AK5: variants seen among roughly 807,000 people sequenced by gnomAD.
The protein encoded by AK5 is adenylate kinase 5, also known as adenylate kinase isoenzyme 5.
Under a neutral mutation model 69.5 loss-of-function variants are expected in AK5, and 27 were observed. That is an observed-to-expected ratio of 0.39 (90% CI 0.29 to 0.54). AK5 has a LOEUF of 0.54. Ranked by LOEUF, AK5 falls within the 20% of genes least tolerant of loss-of-function variation. AK5 has a pLI of 0.71. For synonymous variants in AK5, 260 were observed against 244.4 expected (o/e 1.06, Z -0.60); for missense variants, 531 against 700.4 (o/e 0.76, Z 2.73).
At chr1:77,395,981 A>G (rs1033175477) in intron 6 of AK5, among the ~76,000 whole-genome samples, 1 of 152,208 alleles carries the variant, frequency 6.6e-6, no homozygotes, top group Non-Finnish European at 1.5e-5. Flanking sequence ...TAGGCTATAC[A>G]TGATTCTGAA....
chr1:77,408,758 T>C (rs987827164), intron 6 of AK5, among the ~76,000 whole-genome samples: 3 of 152,204 alleles, frequency 2.0e-5, no homozygotes, highest in Non-Finnish European at 4.4e-5. Flanking sequence ...TCTATTTTTT[T>C]CTTTTTTAAT....
intron 5 of AK5, among the ~76,000 whole-genome samples, chr1:77,330,599 G>A (rs1479986961): frequency 6.6e-6 from 1 of 152,140 alleles, no homozygotes; most frequent in Non-Finnish European, 1.5e-5. Context: ...CTGTTCCAGT[G>A]TTCTACTAGT....
At chr1:77,519,054 G>A (rs1657833025) in intron 11 of AK5, among the ~76,000 whole-genome samples, 2 of 152,136 alleles carry the variant, frequency 1.3e-5, no homozygotes, top group Admixed American at 1.3e-4. Context: ...GTGCAGCAGA[G>A]CCTAGAATTA....
chr1:77,369,548 C>T (rs1462559849), intron 6 of AK5, among the ~76,000 whole-genome samples: 1 of 152,108 alleles, frequency 6.6e-6, no homozygotes, highest in African/African-American at 2.4e-5. Flanking sequence ...GATCTGCCAT[C>T]ACATGTATTA....
chr1:77,389,067 G>A (rs557395251), intron 6 of AK5, among the ~76,000 whole-genome samples: 1 of 152,234 alleles, frequency 6.6e-6, no homozygotes, highest in Non-Finnish European at 1.5e-5. Context: ...TTACAACGTT[G>A]AGAATAGTAA....
chr1:77,288,171 C>T (rs151028118), intron 2 of AK5, among the ~76,000 whole-genome samples: 112 of 152,120 alleles, frequency 7.4e-4, no homozygotes, highest in Non-Finnish European at 1.1e-3. Flanking sequence ...AACTAAAAAC[C>T]GCAGTTCATT....
At chr1:77,529,557 T>G (rs1282851884) in intron 12 of AK5, among the ~76,000 whole-genome samples, 1 of 152,194 alleles carries the variant, frequency 6.6e-6, no homozygotes, top group African/African-American at 2.4e-5. Context: ...ACTCCTGACC[T>G]CGTGATCTGC....
chr1:77,533,995 T>C (rs1312994031), intron 12 of AK5, among the ~76,000 whole-genome samples: 1 of 152,042 alleles, frequency 6.6e-6, no homozygotes, highest in East Asian at 1.9e-4. Flanking sequence ...TCGCATGACC[T>C]ATTCCAGAGG....
intron 8 of AK5, among the ~76,000 whole-genome samples, chr1:77,452,178 C>T (rs543005750): frequency 2.6e-5 from 4 of 152,224 alleles, no homozygotes; most frequent in African/African-American, 9.6e-5. Flanking sequence ...CATTATAATG[C>T]AATTATATGT....
At chr1:77,558,058 T>G (rs1032570246) in intron 13 of AK5, among the ~76,000 whole-genome samples, 2 of 152,212 alleles carry the variant, frequency 1.3e-5, no homozygotes, top group Non-Finnish European at 2.9e-5. Flanking sequence ...CTGAATAATA[T>G]TCCCCTGTCC....
intron 8 of AK5, among the ~76,000 whole-genome samples, chr1:77,445,327 G>C (rs967835681): frequency 3.3e-5 from 5 of 152,168 alleles, no homozygotes; most frequent in Admixed American, 6.5e-5. Context: ...ATCCTAACAA[G>C]TGTGAAGTGG....
rs145220766 is a variant in AK5, at chr1:77,412,446, A to C, written c.982+1375A>C. ...AGCCTCAACTCCCGCTAACTCTTCC[A>C]CTCCTGAGACCCCCTGAAAGCTGGC... is the stretch of plus-strand genomic sequence containing the variant. On this transcript the variant is annotated intron_variant, in intron 7 of 13. Transcript: ENST00000354567. Among the ~76,000 whole-genome samples the C allele has an allele frequency of 2.3e-3, 350 of 151,762 alleles. 1 individual carries two copies. The highest frequency in any genetic ancestry group is 8.1e-3 in the African/African-American group (335 of 41,372).
At chr1:77,384,812 T>C (rs182966139) in intron 6 of AK5, among the ~76,000 whole-genome samples, 139 of 152,214 alleles carry the variant, frequency 9.1e-4, no homozygotes, top group African/African-American at 3.2e-3. Flanking sequence ...GCAGCAATAC[T>C]TCTAGGATTC....
chr1:77,310,079 T>TTTATTCCAC (rs1659858936), intron 5 of AK5, among the ~76,000 whole-genome samples: 1 of 152,164 alleles, frequency 6.6e-6, no homozygotes, highest in South Asian at 2.1e-4. Context: ...AAGGTCCAGG[T>TTTATTCCAC]ATTTATTCTA....
rs750566495 is a variant in AK5 at position 77,417,643 on chromosome 1, A to G, written c.987A>G (p.Ser329=). The change falls in exon 8 of 14, where the codon TCA becomes TCG. Residue 329 remains serine, a synonymous_variant. Transcript: ENST00000354567. ...LFPNKEAAAG[S]SDLDPSMILD... is the part of the protein sequence containing the mutation. ...TCTTTTCTTTCCTAATCTTAGGTTCAAGTGACCTTGATCCTTCGATGATAT... is the reference window on the plus strand; with the variant it reads ...TCTTTTCTTTCCTAATCTTAGGTTCGAGTGACCTTGATCCTTCGATGATAT... 6.2e-7 allele frequency: 1 copy of G among 1,604,566 alleles called. No individual in the cohort carries two copies. The highest frequency in any genetic ancestry group is 1.3e-5 in the African/African-American group (1 of 74,814).
At chr1:77,525,182 T>G (rs929020849) in intron 12 of AK5, among the ~76,000 whole-genome samples, 2 of 152,234 alleles carry the variant, frequency 1.3e-5, no homozygotes, top group African/African-American at 4.8e-5. Context: ...GTGCTGGGAT[T>G]ACAGGCGTGA....
intron 6 of AK5, among the ~76,000 whole-genome samples, chr1:77,348,289 C>T (rs1662012197): frequency 6.6e-6 from 1 of 152,132 alleles, no homozygotes; most frequent in Admixed American, 6.5e-5. Context: ...TGGAGGTTCA[C>T]ATTAAGAAAA....
At chr1:77,318,269 G>A (rs541089951) in intron 5 of AK5, among the ~76,000 whole-genome samples, 6 of 152,108 alleles carry the variant, frequency 3.9e-5, no homozygotes, top group South Asian at 2.1e-4. Flanking sequence ...AAAGAGAGGC[G>A]GGGAGATGCT....
chr1:77,306,924 C>A (rs1228774255), intron 5 of AK5, among the ~76,000 whole-genome samples: 1 of 152,006 alleles, frequency 6.6e-6, no homozygotes, highest in Non-Finnish European at 1.5e-5. Context: ...TCTACAGTAT[C>A]AGTTGTAATG....
Sources: allele counts gnomAD v4.1 joint callset (sites outside exome capture counted in the v4.1 genomes callset), GRCh38; gene constraint gnomAD v4.1.1; transcripts MANE v1.5; gene names NCBI Gene and HGNC (gene_info 2026-07-23, HGNC 2026-07-21).